GOPC: variants seen among roughly 807,000 people sequenced by gnomAD.
GOPC encodes golgi associated PDZ and coiled-coil motif containing.
A neutral mutation model predicts 51.2 loss-of-function variants in GOPC; 32 were observed. The observed-to-expected ratio is 0.63, with a 90% CI of 0.47 to 0.84. The LOEUF (loss-of-function observed/expected upper bound fraction) is 0.84. Ranked by LOEUF, GOPC falls within the 40% of genes least tolerant of loss-of-function variation. The pLI is 0.00. For synonymous variants in GOPC, 190 were observed against 205.1 expected (o/e 0.93, Z 0.63); for missense variants, 441 against 555.5 (o/e 0.79, Z 2.07).
At chr6:117,600,551 C>A (rs1178483495) in intron 1 of GOPC, among the ~76,000 whole-genome samples, 1 of 152,138 alleles carries the variant, frequency 6.6e-6, no homozygotes, top group Non-Finnish European at 1.5e-5. Flanking sequence ...TGTCTGTAAT[C>A]AAAGCACTTT....
chr6:117,569,625 C>A lies in GOPC; in HGVS notation c.1024G>T (p.Val342Phe). 1 of 1,613,128 alleles carries A rather than the reference C, an allele frequency of 6.2e-7. No homozygotes were observed. The highest frequency in any genetic ancestry group is 8.5e-7 in the Non-Finnish European group (1 of 1,179,672). Residue 342 changes from valine (V) to phenylalanine (F), a missense_variant, in exon 7 of 9, where the codon GTT (valine) becomes TTT (phenylalanine). By Grantham distance (50) the Val-to-Phe change is conservative. Coordinates refer to ENST00000368498, the MANE Select transcript of GOPC (RefSeq NM_020399.4). Reference sequence around the variant, plus strand: ...TTATGCTTTGTGTCCCTTAGGTTAACTCCGTTGACTGCCAAAATAGCATCC... The same window carrying A: ...TTATGCTTTGTGTCCCTTAGGTTAAATCCGTTGACTGCCAAAATAGCATCC... The part of the protein sequence containing the change: ...VGDAILAVNG[V>F]NLRDTKHKEA...
intron 1 of GOPC, among the ~76,000 whole-genome samples, chr6:117,595,022 T>C (rs1780173032): frequency 6.6e-6 from 1 of 152,152 alleles, no homozygotes; most frequent in African/African-American, 2.4e-5. Flanking sequence ...TGAGCCAAAA[T>C]GAGGACAGCT....
intron 1 of GOPC, among the ~76,000 whole-genome samples, chr6:117,597,809 C>T (rs1020459265): frequency 6.6e-6 from 1 of 151,572 alleles, no homozygotes; most frequent in Admixed American, 6.6e-5. Context: ...GTATCTTGAA[C>T]AATATGTGCA....
chr6:117,573,899 T>TA (rs544121896), intron 4 of GOPC, among the ~76,000 whole-genome samples: 1 of 151,794 alleles, frequency 6.6e-6, no homozygotes, highest in Non-Finnish European at 1.5e-5. Flanking sequence ...CAAATAAATC[T>TA]AAAAAAAAAT....
At chr6:117,588,208 A>C (rs1780061008) in intron 1 of GOPC, among the ~76,000 whole-genome samples, 1 of 152,122 alleles carries the variant, frequency 6.6e-6, no homozygotes, top group Admixed American at 6.5e-5. Context: ...TATTATAAAC[A>C]AAAGAGGTTT....
chr6:117,575,572 G>GTA (rs771615344), intron 3 of GOPC: 2 of 723,822 alleles, frequency 2.8e-6, no homozygotes, highest in Non-Finnish European at 5.1e-6. Context: ...CTGATATGGA[G>GTA]TATAGTAAGA....
At chr6:117,579,689 C>T (rs1212808420) in intron 1 of GOPC, among the ~76,000 whole-genome samples, 1 of 152,006 alleles carries the variant, frequency 6.6e-6, no homozygotes, top group Non-Finnish European at 1.5e-5. Flanking sequence ...ACAATTGATA[C>T]ATTGTTTTAC....
At chr6:117,569,942 A>T (rs1779773927) in intron 6 of GOPC, 1 of 483,168 alleles carries the variant, frequency 2.1e-6, no homozygotes, top group South Asian at 5.1e-5. Flanking sequence ...TTCTTAAATT[A>T]AAAAAAACTT....
Position 117,573,651 on chromosome 6 carries a change from G to C in GOPC, c.651-19C>G, listed in dbSNP as rs761681333. ...TTGGACCCTTCATATTGGGAAAAGA[G>C]TACATTGATTTTTCATTATATTCAC... is the stretch of plus-strand genomic sequence containing the variant. On this transcript the variant is annotated intron_variant, in intron 4 of 8. Coordinates refer to ENST00000368498, the MANE Select transcript of GOPC (RefSeq NM_020399.4). The C allele has an allele frequency of 6.3e-7, 1 of 1,586,876 alleles. No individual in the cohort carries two copies. The highest frequency in any genetic ancestry group is 8.6e-7 in the Non-Finnish European group (1 of 1,165,004).
intron 7 of GOPC, among the ~76,000 whole-genome samples, chr6:117,567,507 T>C (rs1779722188): frequency 6.6e-6 from 1 of 152,190 alleles, no homozygotes. Context: ...GGACATCATA[T>C]AAATCTTTTC....
chr6:117,565,521 G>T (rs1386838740), intron 8 of GOPC, among the ~76,000 whole-genome samples: 1 of 152,042 alleles, frequency 6.6e-6, no homozygotes, highest in East Asian at 1.9e-4. Context: ...TTCATTTACT[G>T]GTGATTTGAA....
intron 1 of GOPC, among the ~76,000 whole-genome samples, chr6:117,587,493 A>G (rs973999874): frequency 6.6e-6 from 1 of 151,732 alleles, no homozygotes; most frequent in Non-Finnish European, 1.5e-5. Context: ...CCAACCCCCC[A>G]AACAGTAATA....
Position 117,578,970 on chromosome 6 carries a change from T to G in GOPC, c.380A>C (p.His127Pro). The G allele has an allele frequency of 6.2e-7, 1 of 1,612,388 alleles. No homozygotes were observed. The highest frequency in any genetic ancestry group is 8.5e-7 in the Non-Finnish European group (1 of 1,179,242). ...KEVHDQLLQLHSIQLQLHAKT... is the reference protein window; with the variant it reads ...KEVHDQLLQLPSIQLQLHAKT... ...AGCATGAAGCTGCAGCTGAATAGAG[T>G]GCAGCTGTAAAAGCTGATCATGTAC... The change falls in exon 2 of 9, where the codon CAC becomes CCC. Residue 127 changes from histidine (H) to proline (P), a missense_variant. This residue lies in a region of GOPC where 204 missense variants were observed against 219.8 expected (regional missense o/e 0.93). Transcript: ENST00000368498.
intron 1 of GOPC, among the ~76,000 whole-genome samples, chr6:117,592,422 T>G (rs911483385): frequency 4.6e-5 from 7 of 152,170 alleles, no homozygotes; most frequent in African/African-American, 7.2e-5. Flanking sequence ...AGTTTATTCT[T>G]TCACATTTCA....
At chr6:117,581,460 T>C (rs1779957589) in intron 1 of GOPC, among the ~76,000 whole-genome samples, 1 of 65,018 alleles carries the variant, frequency 1.5e-5, no homozygotes, top group African/African-American at 1.1e-4. Context: ...ATCACTCAGA[T>C]CTTGAAAAAA....
In GOPC at chr6:117,577,456, CCA is replaced by C. The variant is rs760270505; in HGVS notation, c.464_465del (p.Val155GlyfsTer8). On this transcript the variant is annotated frameshift_variant, in exon 3 of 9. Transcript: ENST00000368498. LOFTEE classifies it high-confidence loss of function. Reference sequence around the variant, plus strand: ...AGAAACAATATACTTACCAGCTCCTCCACAGAGGGGCCAGACTTCAGATATAA... The same window carrying C: ...AGAAACAATATACTTACCAGCTCCTCCAGAGGGGCCAGACTTCAGATATAA... The part of the protein sequence containing the change: ...TIKAKLSGPS[V>X]EELERELEAN... 5.5e-5 allele frequency: 88 copies of C among 1,605,212 alleles called. No individual in the cohort carries two copies. The highest frequency in any genetic ancestry group is 1.1e-4 in the African/African-American group (8 of 74,390).
intron 1 of GOPC, among the ~76,000 whole-genome samples, chr6:117,600,576 G>A (rs1771983575): frequency 6.6e-6 from 1 of 152,178 alleles, no homozygotes; most frequent in African/African-American, 2.4e-5. Context: ...GGCCAAGGCA[G>A]GAGGATCACC....
chr6:117,574,061 A>C (rs1169701212), intron 4 of GOPC, among the ~76,000 whole-genome samples: 1 of 152,122 alleles, frequency 6.6e-6, no homozygotes, highest in Non-Finnish European at 1.5e-5. Context: ...TGTGGTTAAA[A>C]GTTACTAGAA....
chr6:117,580,640 C>A (rs1486258060), intron 1 of GOPC, among the ~76,000 whole-genome samples: 1 of 152,046 alleles, frequency 6.6e-6, no homozygotes, highest in African/African-American at 2.4e-5. Context: ...AATTCAATAT[C>A]ATAAAATTCA....
Sources: allele counts gnomAD v4.1 joint callset (sites outside exome capture counted in the v4.1 genomes callset), GRCh38; gene constraint gnomAD v4.1.1; regional missense constraint gnomAD v4.1.1; transcripts MANE v1.5; gene names NCBI Gene and HGNC (gene_info 2026-07-23, HGNC 2026-07-21).